Variants in ABL2 observed in about 807,000 individuals in gnomAD.
ABL2 encodes the protein ABL proto-oncogene 2, non-receptor tyrosine kinase.
In ABL2, 49 loss-of-function variants were observed where a neutral mutation model predicts 107.7. The ratio of observed to expected loss-of-function variants is 0.45; its 90% CI spans 0.36 to 0.58. The LOEUF (loss-of-function observed/expected upper bound fraction) is 0.58. Ranked by LOEUF, ABL2 falls within the 20% of genes least tolerant of loss-of-function variation. The probability of loss-of-function intolerance (pLI) is 0.00; values close to 1 mark genes in which losing one functional copy is unlikely to be tolerated. For synonymous variants in ABL2, 549 were observed against 548.6 expected (o/e 1.00, Z -0.01); for missense variants, 1,245 against 1,457.0 (o/e 0.85, Z 2.37).
intron 1 of ABL2, among the ~76,000 whole-genome samples, chr1:179,225,969 G>A (rs1195549621): frequency 9.4e-5 from 14 of 148,600 alleles, no homozygotes; most frequent in African/African-American, 3.0e-4. Context: ...GCGTGAACCC[G>A]GGAGGCGGAG....
At chr1:179,148,095 G>A (rs1303133390) in intron 1 of ABL2, among the ~76,000 whole-genome samples, 1 of 146,370 alleles carries the variant, frequency 6.8e-6, no homozygotes, top group African/African-American at 2.5e-5. Flanking sequence ...CTGGAGTGCA[G>A]TGGCATGATC....
chr1:179,223,474 C>G (rs191138932), intron 1 of ABL2, among the ~76,000 whole-genome samples: 3 of 151,636 alleles, frequency 2.0e-5, no homozygotes, highest in Non-Finnish European at 4.4e-5. Flanking sequence ...GGCTGAAGAC[C>G]CTTACAGAGA....
chr1:179,197,862 T>G, intron 1 of ABL2, among the ~76,000 whole-genome samples: 1 of 105,724 alleles, frequency 9.5e-6, no homozygotes, highest in African/African-American at 3.4e-5. Flanking sequence ...AGAACGAAAC[T>G]GTCTCAAAAA....
intron 1 of ABL2, among the ~76,000 whole-genome samples, chr1:179,174,379 C>A (rs922041145): frequency 4.0e-5 from 6 of 151,334 alleles, no homozygotes; most frequent in African/African-American, 1.5e-4. Flanking sequence ...GAGGCCAAGG[C>A]AGGCAGACCA....
chr1:179,202,041 T>C (rs1054134826), intron 1 of ABL2: 28 of 422,906 alleles, frequency 6.6e-5, no homozygotes, highest in Non-Finnish European at 9.1e-5. Context: ...TTTTTTTCTT[T>C]GAATAAATGT....
At chr1:179,114,737 G>A in intron 9 of ABL2, 141 bp downstream of exon 9, 4 of 823,176 alleles carry the variant, frequency 4.9e-6, no homozygotes, top group Non-Finnish European at 5.2e-6. Flanking sequence ...ATGACAACTG[G>A]CTGATCAATG....
chr1:179,107,878 G>C lies in ABL2; in HGVS notation c.3389C>G (p.Thr1130Ser). The C allele has an allele frequency of 6.2e-7, 1 of 1,614,234 alleles. No individual in the cohort carries two copies. The highest frequency in any genetic ancestry group is 8.5e-7 in the Non-Finnish European group (1 of 1,180,042). Residue 1130 changes from threonine (T) to serine (S), a missense_variant, in exon 12 of 12, where the codon ACT becomes AGT. Thr to Ser is a moderately conservative substitution (Grantham distance 58). Transcript: ENST00000502732. ...CSGYVDCIPQTRNKFAFREAV... is the reference protein window; with the variant it reads ...CSGYVDCIPQSRNKFAFREAV... The stretch of plus-strand genomic sequence containing the variant: ...CTCTCGGAAGGCAAATTTGTTGCGA[G>C]TTTGAGGGATGCAGTCCACATAGCC...
At chr1:179,192,138 T>C (rs560398278) in intron 1 of ABL2, among the ~76,000 whole-genome samples, 2 of 152,352 alleles carry the variant, frequency 1.3e-5, no homozygotes, top group Non-Finnish European at 2.9e-5. Flanking sequence ...GCAGGGACTC[T>C]ATACTCAGTA....
intron 1 of ABL2, among the ~76,000 whole-genome samples, chr1:179,222,602 G>A (rs1662935477): frequency 6.6e-6 from 1 of 151,922 alleles, no homozygotes; most frequent in Non-Finnish European, 1.5e-5. Context: ...TGTTGGCCAG[G>A]ATGGTCTCGA....
chr1:179,102,381 AG>A lies in ABL2; in HGVS notation c.*5336del, dbSNP rs1653172309. 1 of 212,942 alleles carries A rather than the reference AG, an allele frequency of 4.7e-6. No individual in the cohort carries two copies. The allele number at this position is 212,942 out of a possible 1,614,324, so 13.2% of individuals were successfully genotyped here. A position where few individuals can be genotyped will look rare whatever the true frequency, so the allele number is the denominator to read the frequency against. On this transcript the variant is annotated 3_prime_UTR_variant, in exon 12 of 12. Coordinates refer to ENST00000502732, the MANE Select transcript of ABL2 (RefSeq NM_007314.4). ...AATGATATAGATATCTTGACTGTTA[AG>A]AGTTGGAGACGTTTCAGAAGTTCTC...
Position 179,103,171 on chromosome 1 carries a change from CA to C in ABL2, c.*4546del. ...TACTTTTTAAAGATCGGAATTAAAC[CA>C]AAAAGTTGGTCCCTAGTTTCCTGAA... On this transcript the variant is annotated 3_prime_UTR_variant, in exon 12 of 12. Coordinates refer to ENST00000502732, the MANE Select transcript of ABL2 (RefSeq NM_007314.4). 2 of 214,456 alleles carry C rather than the reference CA, an allele frequency of 9.3e-6. No homozygotes were observed. The highest frequency in any genetic ancestry group is 1.9e-5 in the Non-Finnish European group (2 of 106,166). The allele number at this position is 214,456 out of a possible 1,614,324, so 13.3% of individuals were successfully genotyped here.
intron 1 of ABL2, among the ~76,000 whole-genome samples, chr1:179,153,133 T>TA (rs1484232043): frequency 6.6e-6 from 1 of 152,208 alleles, no homozygotes; most frequent in African/African-American, 2.4e-5. Context: ...TGTAAGATTT[T>TA]ATACTCAATT....
rs796412540 is a variant in ABL2, at chr1:179,155,297, G to A, written c.158-21923C>T. On this transcript the variant is annotated intron_variant, in intron 1 of 11. Transcript: ENST00000502732. ...AAGAGTTAAACCTAACAGACTAATC[G>A]GAACGATATGCATGTGCTTACCAAA... Among the ~76,000 whole-genome samples, 27 of 152,202 alleles carry A rather than the reference G, an allele frequency of 1.8e-4. 1 individual carries two copies. The highest frequency in any genetic ancestry group is 1.2e-3 in the Admixed American group (18 of 15,286).
intron 4 of ABL2, among the ~76,000 whole-genome samples, chr1:179,122,722 C>T (rs993832562): frequency 3.3e-5 from 5 of 152,066 alleles, no homozygotes; most frequent in Admixed American, 2.6e-4. Flanking sequence ...GTCATGACCT[C>T]AGCTCACTGC....
intron 1 of ABL2, among the ~76,000 whole-genome samples, chr1:179,144,195 C>T (rs1448407359): frequency 2.6e-5 from 4 of 152,144 alleles, no homozygotes; most frequent in East Asian, 1.9e-4. Context: ...CGGTGGCTCA[C>T]GCCTGTAATC....
chr1:179,154,024 A>C (rs1298628537), intron 1 of ABL2, among the ~76,000 whole-genome samples: 2 of 152,082 alleles, frequency 1.3e-5, no homozygotes, highest in African/African-American at 4.8e-5. Context: ...TTCTTCCCTA[A>C]TTCACTCTAT....
intron 1 of ABL2, among the ~76,000 whole-genome samples, chr1:179,202,657 GC>G: frequency 6.6e-6 from 1 of 152,258 alleles, no homozygotes; most frequent in East Asian, 1.9e-4. Flanking sequence ...AATGTCTTCT[GC>G]CTTTTTCCCC....
intron 1 of ABL2, among the ~76,000 whole-genome samples, chr1:179,202,922 G>A (rs991007354): frequency 6.6e-6 from 1 of 152,140 alleles, no homozygotes; most frequent in African/African-American, 2.4e-5. Flanking sequence ...CTCCAGTTTA[G>A]AAGGTTCAAA....
At chr1:179,136,519 C>G (rs1253171365) in intron 1 of ABL2, among the ~76,000 whole-genome samples, 9 of 149,734 alleles carry the variant, frequency 6.0e-5, no homozygotes, top group East Asian at 2.0e-4. Flanking sequence ...CAGCATGCTC[C>G]TTAAGAGTCA....
Sources: gnomAD v4.1 joint callset for allele counts (sites outside exome capture counted in the v4.1 genomes callset) on GRCh38, gnomAD v4.1.1 for gene constraint, MANE v1.5 for transcripts, NCBI Gene and HGNC (gene_info 2026-07-23, HGNC 2026-07-21) for gene names.